ERBB4: variants seen among roughly 807,000 people sequenced by gnomAD.
ERBB4 encodes the protein erb-b2 receptor tyrosine kinase 4, also known as receptor tyrosine-protein kinase erbB-4.
In ERBB4, 42 loss-of-function variants were observed where a neutral mutation model predicts 158.0. The ratio of observed to expected loss-of-function variants is 0.27; its 90% CI spans 0.21 to 0.34. The LOEUF (loss-of-function observed/expected upper bound fraction) is 0.34, where lower values mean the gene tolerates loss of function less well. Among genes scored for constraint, ERBB4 ranks in the 10% least tolerant of loss-of-function variants. The pLI, the probability that ERBB4 is intolerant of heterozygous loss-of-function variation, is 1.00. For missense variants in ERBB4, 1,333 were observed against 1,624.1 expected (o/e 0.82, Z 3.08); for synonymous variants, 583 against 558.7 (o/e 1.04, Z -0.61).
At chr2:211,662,798 A>G (rs2071479677) in intron 15 of ERBB4, among the ~76,000 whole-genome samples, 1 of 152,224 alleles carries the variant, frequency 6.6e-6, no homozygotes, top group South Asian at 2.1e-4. Context: ...CTTTATTTTC[A>G]GAAAAATCAT....
chr2:211,785,180 C>A (rs986911984), intron 4 of ERBB4, among the ~76,000 whole-genome samples: 18 of 151,366 alleles, frequency 1.2e-4, no homozygotes, highest in African/African-American at 4.4e-4. Flanking sequence ...CGGCTCACTG[C>A]AAGCCCCGCC....
At position 212,320,953 on chromosome 2, in the gene ERBB4, TTTG is replaced by T. The variant is rs563544329; in HGVS notation, c.83-196053_83-196051del. Among the ~76,000 whole-genome samples the T allele has an allele frequency of 2.9e-3, 437 of 150,446 alleles. 7 individuals are homozygous for T. Among genetic ancestry groups the T allele is most frequent in the African/African-American group, 9.8e-3 (406 of 41,386 alleles). ...AGAAAACCTGAAAAAACTGTTTCTT[TTTG>T]TTGTTTTTATATTTTTATTTTTAAA... On this transcript the variant is annotated intron_variant, in intron 1 of 27. Coordinates refer to ENST00000342788, the MANE Select transcript of ERBB4 (RefSeq NM_005235.3).
Position 211,789,271 on chromosome 2 carries a change from G to T in ERBB4, c.422-1112C>A, listed in dbSNP as rs969660854. Among the ~76,000 whole-genome samples the T allele has an allele frequency of 4.6e-5, 7 of 152,090 alleles. 1 individual carries two copies. The highest frequency in any genetic ancestry group is 1.7e-4 in the African/African-American group (7 of 41,432). ...ATCAAAACCCAATCAACAGTTTATA[G>T]AGATAGGGGATTTCTTTTTTCACAT... is the stretch of plus-strand genomic sequence containing the variant. On this transcript the variant is annotated intron_variant, in intron 3 of 27. Transcript: ENST00000342788.
chr2:212,385,637 T>A (rs564453948), intron 1 of ERBB4, among the ~76,000 whole-genome samples: 2 of 151,882 alleles, frequency 1.3e-5, no homozygotes, highest in South Asian at 4.1e-4. Context: ...CTGCTTGCTG[T>A]TAATAGTATA....
intron 12 of ERBB4, among the ~76,000 whole-genome samples, chr2:211,695,039 T>A (rs552114170): frequency 6.6e-6 from 1 of 152,326 alleles, no homozygotes; most frequent in East Asian, 1.9e-4. Context: ...ATCCAACATT[T>A]CTTATGATGT....
chr2:212,102,766 T>G (rs2079121061), intron 2 of ERBB4, among the ~76,000 whole-genome samples: 1 of 152,130 alleles, frequency 6.6e-6, no homozygotes. Flanking sequence ...CAACTCAGTG[T>G]CAACAGAACC....
At chr2:211,944,187 A>ATATAG (rs1354213385) in intron 3 of ERBB4, among the ~76,000 whole-genome samples, 6 of 47,064 alleles carry the variant, frequency 1.3e-4, no homozygotes, top group South Asian at 4.0e-4. Context: ...CTATATATAT[A>ATATAG]TATATATATA....
At chr2:211,472,166 A>G (rs1025404475) in intron 20 of ERBB4, among the ~76,000 whole-genome samples, 1 of 152,066 alleles carries the variant, frequency 6.6e-6, no homozygotes, top group Non-Finnish European at 1.5e-5. Context: ...TTGCAGCATT[A>G]CAGGCAAGAC....
chr2:211,412,148 T>C (rs895788928), intron 25 of ERBB4, among the ~76,000 whole-genome samples: 2 of 151,310 alleles, frequency 1.3e-5, no homozygotes, highest in Non-Finnish European at 2.9e-5. Context: ...GAGCAAGAGA[T>C]TTCAAAATCA....
intron 15 of ERBB4, among the ~76,000 whole-genome samples, chr2:211,664,909 C>G (rs1171599846): frequency 6.6e-6 from 1 of 152,012 alleles, no homozygotes; most frequent in African/African-American, 2.4e-5. Context: ...GAGAAATATC[C>G]TCACCTTAAG....
intron 17 of ERBB4, among the ~76,000 whole-genome samples, chr2:211,629,706 C>T (rs1044238290): frequency 2.0e-5 from 3 of 152,062 alleles, no homozygotes; most frequent in Non-Finnish European, 2.9e-5. Context: ...GAGATATAGA[C>T]CAATGGAACA....
chr2:211,481,705 A>G (rs2065087781), intron 20 of ERBB4, among the ~76,000 whole-genome samples: 1 of 152,148 alleles, frequency 6.6e-6, no homozygotes, highest in South Asian at 2.1e-4. Flanking sequence ...ATAGCACAAT[A>G]GGACGATATA....
intron 2 of ERBB4, among the ~76,000 whole-genome samples, chr2:211,958,224 G>C (rs888921566): frequency 6.6e-5 from 10 of 151,958 alleles, no homozygotes; most frequent in African/African-American, 2.2e-4. Context: ...GTGACAACAA[G>C]GTCTGATGTT....
At chr2:212,176,555 C>G (rs1446134415) in intron 1 of ERBB4, among the ~76,000 whole-genome samples, 1 of 151,900 alleles carries the variant, frequency 6.6e-6, no homozygotes, top group Admixed American at 6.6e-5. Flanking sequence ...GTTGTTTAAG[C>G]CACCCAGTAT....
chr2:211,531,835 A>T (rs894022816), intron 20 of ERBB4, among the ~76,000 whole-genome samples: 1 of 152,140 alleles, frequency 6.6e-6, no homozygotes, highest in African/African-American at 2.4e-5. Flanking sequence ...GGAAATCAGT[A>T]TATCAAAGAG....
At chr2:211,798,853 C>T (rs2076439129) in intron 3 of ERBB4, among the ~76,000 whole-genome samples, 1 of 152,058 alleles carries the variant, frequency 6.6e-6, no homozygotes, top group Non-Finnish European at 1.5e-5. Flanking sequence ...TAAATTCTTC[C>T]TAAGAACAAG....
chr2:212,474,839 T>TTTG (rs1245995165), intron 1 of ERBB4, among the ~76,000 whole-genome samples: 1 of 136,160 alleles, frequency 7.3e-6, no homozygotes, highest in African/African-American at 3.4e-5. Context: ...TTTTTTTTTT[T>TTTG]TGTCAAGACA....
chr2:212,306,820 A>G (rs1000909016), intron 1 of ERBB4, among the ~76,000 whole-genome samples: 10 of 151,270 alleles, frequency 6.6e-5, no homozygotes, highest in African/African-American at 2.2e-4. Context: ...AAATTTACTT[A>G]CCCAAAGTTA....
chr2:211,837,516 C>T (rs1575221534), intron 3 of ERBB4, among the ~76,000 whole-genome samples: 1 of 152,102 alleles, frequency 6.6e-6, no homozygotes, highest in Non-Finnish European at 1.5e-5. Flanking sequence ...ATCGTAGATT[C>T]TCCTCGGGAA....
Sources: gnomAD v4.1 joint callset for allele counts (sites outside exome capture counted in the v4.1 genomes callset) on GRCh38, gnomAD v4.1.1 for gene constraint, MANE v1.5 for transcripts, NCBI Gene and HGNC (gene_info 2026-07-23, HGNC 2026-07-21) for gene names.